Variants in OSBPL10 observed in about 807,000 individuals in gnomAD.
OSBPL10 encodes oxysterol binding protein like 10, also known as oxysterol-binding protein-related protein 10.
OSBPL10 carries 49 observed loss-of-function variants against 81.7 expected under a neutral mutation model. The observed-to-expected ratio is 0.60, with a 90% CI of 0.48 to 0.76. The LOEUF (loss-of-function observed/expected upper bound fraction) is 0.76. OSBPL10 is among the 30% of genes least tolerant of loss of function. The pLI is 0.00. For missense variants in OSBPL10, 923 were observed against 987.8 expected (o/e 0.93, Z 0.88); for synonymous variants, 419 against 383.6 (o/e 1.09, Z -1.08).
intron 1 of OSBPL10, among the ~76,000 whole-genome samples, chr3:31,903,285 T>C (rs1261965700): frequency 1.3e-5 from 2 of 151,786 alleles, no homozygotes; most frequent in Admixed American, 6.6e-5. Flanking sequence ...CCTAACCTTA[T>C]GATGGAGGCA....
At chr3:31,782,733 A>G (rs1283229817) in intron 4 of OSBPL10, among the ~76,000 whole-genome samples, 1 of 152,212 alleles carries the variant, frequency 6.6e-6, no homozygotes, top group Admixed American at 6.5e-5. Flanking sequence ...CAAAATAACA[A>G]TGAGATACCA....
At chr3:32,069,555 C>T (rs747036108) in intron 1 of OSBPL10, among the ~76,000 whole-genome samples, 11 of 152,312 alleles carry the variant, frequency 7.2e-5, no homozygotes, top group South Asian at 2.1e-4. Context: ...GACGCTTTAC[C>T]GCCCTAGACC....
At chr3:31,682,958 C>A (rs1700690211) in intron 8 of OSBPL10, among the ~76,000 whole-genome samples, 1 of 151,998 alleles carries the variant, frequency 6.6e-6, no homozygotes, top group East Asian at 1.9e-4. Context: ...AGTTAGATTC[C>A]TTTTTTCTAG....
chr3:32,006,532 C>T (rs761507012), intron 2 of OSBPL10, among the ~76,000 whole-genome samples: 1 of 152,192 alleles, frequency 6.6e-6, no homozygotes, highest in East Asian at 1.9e-4. Flanking sequence ...TACCTCTCTT[C>T]TACCCCCAAA....
chr3:31,798,557 T>A (rs1699298478), intron 4 of OSBPL10, among the ~76,000 whole-genome samples: 1 of 152,122 alleles, frequency 6.6e-6, no homozygotes. Flanking sequence ...ATGAGTTAAA[T>A]AAAATATATT....
intron 3 of OSBPL10, among the ~76,000 whole-genome samples, chr3:31,846,178 A>G (rs752495801): frequency 1.3e-5 from 2 of 152,090 alleles, no homozygotes; most frequent in Non-Finnish European, 2.9e-5. Flanking sequence ...ACACTACGCT[A>G]ATTTTTTAAT....
chr3:32,002,610 C>T (rs1699161929), intron 2 of OSBPL10, among the ~76,000 whole-genome samples: 1 of 138,498 alleles, frequency 7.2e-6, no homozygotes, highest in African/African-American at 2.5e-5. Flanking sequence ...GGCTTCTTCT[C>T]TCTTGGTGAC....
At chr3:31,798,483 A>C (rs111834792) in intron 4 of OSBPL10, among the ~76,000 whole-genome samples, 1 of 152,148 alleles carries the variant, frequency 6.6e-6, no homozygotes, top group Non-Finnish European at 1.5e-5. Flanking sequence ...TTAATATGAA[A>C]AAATACATAA....
intron 4 of OSBPL10, among the ~76,000 whole-genome samples, chr3:31,801,037 T>A (rs923584898): frequency 6.6e-6 from 1 of 151,960 alleles, no homozygotes; most frequent in Non-Finnish European, 1.5e-5. Flanking sequence ...ATAAGGCTAC[T>A]GACATCACCA....
intron 1 of OSBPL10, among the ~76,000 whole-genome samples, chr3:32,069,705 G>T (rs1035133694): frequency 6.6e-6 from 1 of 152,194 alleles, no homozygotes. Context: ...CCTTCAAGGT[G>T]TACAATAATA....
intron 7 of OSBPL10, among the ~76,000 whole-genome samples, chr3:31,693,844 T>A (rs1460670909): frequency 6.6e-6 from 1 of 152,192 alleles, no homozygotes; most frequent in East Asian, 1.9e-4. Flanking sequence ...CATAGCTCAC[T>A]AGAGCCTCAA....
intron 1 of OSBPL10, among the ~76,000 whole-genome samples, chr3:32,049,848 G>T (rs1325368732): frequency 6.6e-6 from 1 of 152,198 alleles, no homozygotes; most frequent in Non-Finnish European, 1.5e-5. Context: ...TTGATTCAGT[G>T]TTAGTGCAAT....
At chr3:31,845,464 G>C (rs926889988) in intron 3 of OSBPL10, among the ~76,000 whole-genome samples, 18 of 152,194 alleles carry the variant, frequency 1.2e-4, no homozygotes, top group Admixed American at 1.0e-3. Context: ...AGAGAGATGA[G>C]ACCAGGATCT....
intron 6 of OSBPL10, chr3:31,704,477 G>T (rs1695997324): frequency 6.6e-6 from 1 of 152,294 alleles, no homozygotes; most frequent in Non-Finnish European, 1.5e-5. Context: ...GAAGAAAAAG[G>T]ACAATCAAAA....
At chr3:31,699,909 T>A (rs867756383) in intron 7 of OSBPL10, among the ~76,000 whole-genome samples, 19 of 152,262 alleles carry the variant, frequency 1.2e-4, no homozygotes, top group African/African-American at 3.6e-4. Context: ...TACTCCATTC[T>A]GGCTAAGTTC....
At chr3:31,984,468 C>A (rs12630667), upstream of OSBPL10, among the ~76,000 whole-genome samples, 65,457 of 151,668 alleles carry the variant, frequency 0.43, 17,488 homozygotes, top group East Asian at 0.76. Context: ...GAGTCAGTTC[C>A]TGAGTAAGGG....
intron 1 of OSBPL10, among the ~76,000 whole-genome samples, chr3:31,881,084 A>C (rs888750827): frequency 2.0e-5 from 3 of 152,208 alleles, no homozygotes; most frequent in Admixed American, 6.5e-5. Flanking sequence ...TGACCGGGTC[A>C]AATATTCTTT....
intron 9 of OSBPL10, 70 bp downstream of exon 9, chr3:31,670,724 GTCT>G: frequency 7.0e-7 from 1 of 1,434,026 alleles, no homozygotes; most frequent in Non-Finnish European, 9.5e-7. Flanking sequence ...CTGAAACTCA[GTCT>G]TCTAATGGTG....
At chr3:31,752,628 C>A (rs1390136441) in intron 4 of OSBPL10, among the ~76,000 whole-genome samples, 1 of 152,028 alleles carries the variant, frequency 6.6e-6, no homozygotes, top group East Asian at 1.9e-4. Context: ...AAAAACAAGT[C>A]AAAAAAGCTG....
Sources: allele counts gnomAD v4.1 joint callset (sites outside exome capture counted in the v4.1 genomes callset), GRCh38; gene constraint gnomAD v4.1.1; transcripts MANE v1.5; gene names NCBI Gene and HGNC (gene_info 2026-07-23, HGNC 2026-07-21).